The following USP6 variants were observed in gnomAD, a reference collection of about 807,000 sequenced individuals.
The protein encoded by USP6 is ubiquitin carboxyl-terminal hydrolase 6.
USP6 carries 128 observed loss-of-function variants against 175.7 expected under a neutral mutation model. That is an observed-to-expected ratio of 0.73 (90% CI 0.63 to 0.84). USP6 has a LOEUF of 0.84. Among genes scored for constraint, USP6 ranks in the 40% least tolerant of loss-of-function variants. The pLI is 0.00. For synonymous variants in USP6, 562 were observed against 630.6 expected (o/e 0.89, Z 1.63); for missense variants, 1,498 against 1,760.3 (o/e 0.85, Z 2.67).
rs975548594 is a variant in USP6 at position 5,116,279 on chromosome 17, G to A, written c.-2389G>A. 9.7e-5 allele frequency among the ~76,000 whole-genome samples: 14 copies of A among 144,058 alleles called. No homozygotes were observed. Among genetic ancestry groups the A allele is most frequent in the African/African-American group, 1.2e-4 (5 of 40,604 alleles). 94.5% of individuals were successfully genotyped at this position (144,058 alleles called of 152,430 possible). A position where few individuals can be genotyped will look rare whatever the true frequency, so the allele number is the denominator to read the frequency against. On this transcript the variant is annotated 5_prime_UTR_variant, in exon 1 of 38. Coordinates refer to ENST00000574788, the MANE Select transcript of USP6 (RefSeq NM_001304284.2). ...TCGACGCCACTCCCGGCCCCGCTCC[G>A]GGCGGCCCCCCTCACCACTCCCGGC...
intron 25 of USP6, among the ~76,000 whole-genome samples, chr17:5,143,364 G>A (rs573509665): frequency 3.9e-5 from 6 of 152,362 alleles, no homozygotes; most frequent in African/African-American, 1.2e-4. Flanking sequence ...CTGTGTCTGC[G>A]TAGAAAGAAG....
chr17:5,162,814 T>C (rs1442549143), intron 32 of USP6, 70 bp from the exon 33 acceptor site: 1 of 1,561,038 alleles, frequency 6.4e-7, no homozygotes, highest in Admixed American at 2.2e-5. Flanking sequence ...AGGGAGAATA[T>C]TTTTTATTAA....
chr17:5,155,462 G>A lies in USP6; in HGVS notation c.2684G>A (p.Arg895His), dbSNP rs747782848. 7 of 1,613,998 alleles carry A rather than the reference G, an allele frequency of 4.3e-6. No individual in the cohort carries two copies. The East Asian group carries it at 8.9e-5, about 21-fold the overall frequency. ...ELYFLSPQEN[R>H]PSLFGMPLIV... ...TATTTCCTGTCACCTCAGGAGAATCGCCCCAGCCTCTTTGGAATGCCATTG... is the reference window on the plus strand; with the variant it reads ...TATTTCCTGTCACCTCAGGAGAATCACCCCAGCCTCTTTGGAATGCCATTG... The change falls in exon 31 of 38, where the codon CGC becomes CAC. Residue 895 changes from arginine (R) to histidine (H), a missense_variant. Transcript: ENST00000574788.
intron 4 of USP6, among the ~76,000 whole-genome samples, chr17:5,122,326 A>C (rs1269960147): frequency 2.0e-5 from 3 of 152,006 alleles, no homozygotes; most frequent in Admixed American, 2.0e-4. Flanking sequence ...TGACTGTGTG[A>C]GTGGTGACAC....
intron 4 of USP6, among the ~76,000 whole-genome samples, chr17:5,124,230 A>G (rs2072816918): frequency 6.6e-6 from 1 of 152,078 alleles, no homozygotes; most frequent in Non-Finnish European, 1.5e-5. Context: ...TGAAGCACCC[A>G]CTGGGACAGG....
At chr17:5,158,425 G>A (rs1243285696) in intron 31 of USP6, among the ~76,000 whole-genome samples, 3 of 151,988 alleles carry the variant, frequency 2.0e-5, no homozygotes, top group African/African-American at 7.3e-5. Context: ...AAATTAGCTG[G>A]GCATGGTAGT....
intron 26 of USP6, 109 bp downstream of exon 26, chr17:5,144,972 A>G: frequency 7.1e-7 from 1 of 1,412,028 alleles, no homozygotes; most frequent in South Asian, 1.8e-5. Flanking sequence ...TCAGAATTTT[A>G]CTGCAAAAAT....
At chr17:5,122,135 G>T (rs1273185722) in intron 4 of USP6, among the ~76,000 whole-genome samples, 1 of 151,966 alleles carries the variant, frequency 6.6e-6, no homozygotes, top group Admixed American at 6.6e-5. Context: ...CGGGGTGGAG[G>T]GTGGGTCGGT....
chr17:5,141,766 A>C (rs2073454000), intron 23 of USP6, among the ~76,000 whole-genome samples: 1 of 152,268 alleles, frequency 6.6e-6, no homozygotes, highest in Admixed American at 6.5e-5. Flanking sequence ...TTGAAAAATC[A>C]TAGCAATTAA....
At chr17:5,154,624 G>A (rs913588134) in intron 30 of USP6, among the ~76,000 whole-genome samples, 9 of 151,946 alleles carry the variant, frequency 5.9e-5, no homozygotes, top group African/African-American at 1.9e-4. Flanking sequence ...GAATTACTAG[G>A]TTTCACAAAT....
chr17:5,163,032 G>C, intron 33 of USP6, 28 bp downstream of exon 33: 1 of 1,515,052 alleles, frequency 6.6e-7, no homozygotes. Flanking sequence ...CCGTAAAATG[G>C]TGGTTTTTAT....
chr17:5,169,018 A>T lies in USP6; in HGVS notation c.3480A>T (p.Pro1160=), dbSNP rs1309879189. The T allele has an allele frequency of 2.5e-6, 4 of 1,613,468 alleles. No homozygotes were observed. The highest frequency in any genetic ancestry group is 3.4e-6 in the Non-Finnish European group (4 of 1,179,620). The change falls in exon 35 of 38, where the codon CCA becomes CCT. Residue 1160 remains proline (P), a synonymous_variant. Transcript: ENST00000574788. ...GKEDMLLSKS[P]SSLSANISSS... ...AGGACATGCTCCTAAGCAAAAGCCCATCCTCACTCAGCGCTAACATCAGCA... is the reference window on the plus strand; with the variant it reads ...AGGACATGCTCCTAAGCAAAAGCCCTTCCTCACTCAGCGCTAACATCAGCA...
In USP6 at chr17:5,129,073, C is replaced by T. The variant is rs190606735; in HGVS notation, c.-216C>T. 1 of 152,594 alleles carries T rather than the reference C, an allele frequency of 6.6e-6. No homozygotes were observed. The highest frequency in any genetic ancestry group is 1.9e-4 in the East Asian group (1 of 5,182). The allele number at this position is 152,594 out of a possible 1,614,324, so 9.5% of individuals were successfully genotyped here. On this transcript the variant is annotated 5_prime_UTR_variant, in exon 8 of 38. Coordinates refer to ENST00000574788, the MANE Select transcript of USP6 (RefSeq NM_001304284.2). ...ACACTGCCCATGTAGACGATTTTCTCTTTCGTCTTCATGGTGGCTTCGTAG... is the reference window on the plus strand; with the variant it reads ...ACACTGCCCATGTAGACGATTTTCTTTTTCGTCTTCATGGTGGCTTCGTAG...
intron 30 of USP6, among the ~76,000 whole-genome samples, chr17:5,151,337 G>T (rs1191808442): frequency 6.6e-6 from 1 of 152,054 alleles, no homozygotes; most frequent in African/African-American, 2.4e-5. Flanking sequence ...CCATGTTCAT[G>T]GATTAGAAGA....
chr17:5,122,086 CAG>C (rs772386500), intron 4 of USP6, among the ~76,000 whole-genome samples: 3 of 141,912 alleles, frequency 2.1e-5, no homozygotes, highest in Admixed American at 7.5e-5. Flanking sequence ...AGAGATGTGT[CAG>C]GGGGCTGGAG....
Position 5,138,122 on chromosome 17 carries a change from G to A in USP6, c.927G>A (p.Lys309=), listed in dbSNP as rs2073317828. 5 of 1,614,084 alleles carry A rather than the reference G, an allele frequency of 3.1e-6. No individual in the cohort carries two copies. The highest frequency in any genetic ancestry group is 4.2e-6 in the Non-Finnish European group (5 of 1,179,972). ...GCCTGATATCCACCCTGTCCCTAGA[G>A]CGCCTCATGAAGACATCCAGGTGTG... ...ITSIALKVQQ[K]RLMKTSRCGL... Residue 309 remains lysine (K), a splice_region_variant and synonymous_variant, in exon 21 of 38, where the codon AAG becomes AAA. Coordinates refer to ENST00000574788, the MANE Select transcript of USP6 (RefSeq NM_001304284.2).
intron 18 of USP6, 125 bp downstream of exon 18, chr17:5,136,859 G>A (rs1040335240): frequency 1.2e-5 from 18 of 1,443,528 alleles, no homozygotes; most frequent in Non-Finnish European, 1.7e-5. Flanking sequence ...CCTGACCTGG[G>A]ACGTCGGGTT....
chr17:5,166,507 G>C (rs1368728875), intron 33 of USP6, among the ~76,000 whole-genome samples: 4 of 152,174 alleles, frequency 2.6e-5, no homozygotes, highest in Non-Finnish European at 5.9e-5. Flanking sequence ...GAAATTCATG[G>C]AGGAAGTTCA....
chr17:5,155,604 T>C lies in USP6; in HGVS notation c.2826T>C (p.Asp942=). The C allele has an allele frequency of 1.2e-6, 2 of 1,613,884 alleles. No individual in the cohort carries two copies. The highest frequency in any genetic ancestry group is 1.7e-6 in the Non-Finnish European group (2 of 1,179,888). Residue 942 remains aspartate (D), a splice_region_variant and synonymous_variant, in exon 31 of 38, where the codon GAT becomes GAC. Transcript: ENST00000574788. ...PPQEASIHAQ[D]RDNCMGYQYP... Reference sequence around the variant, plus strand: ...AGGAAGCTAGTATTCATGCCCAGGATCGGTGAGTTCAGGGGATCCATCTAA... The same window carrying C: ...AGGAAGCTAGTATTCATGCCCAGGACCGGTGAGTTCAGGGGATCCATCTAA...
Sources: allele counts gnomAD v4.1 joint callset (sites outside exome capture counted in the v4.1 genomes callset), GRCh38; gene constraint gnomAD v4.1.1; transcripts MANE v1.5; gene names NCBI Gene and HGNC (gene_info 2026-07-23, HGNC 2026-07-21).